The following DEF8 variants were observed in gnomAD, a reference collection of about 807,000 sequenced individuals.
DEF8 encodes DEF-8.
A neutral mutation model predicts 59.1 loss-of-function variants in DEF8; 38 were observed. The ratio of observed to expected loss-of-function variants is 0.64; its 90% CI spans 0.50 to 0.84. DEF8 has a LOEUF of 0.84. Ranked by LOEUF, DEF8 falls within the 40% of genes least tolerant of loss-of-function variation. DEF8 has a pLI of 0.00. For missense variants in DEF8, 557 were observed against 615.2 expected, an observed-to-expected ratio of 0.91 and a Z score of 1.00; for synonymous variants, 265 against 250.1, an observed-to-expected ratio of 1.06 and a Z score of -0.56.
At chr16:89,958,492 A>G (rs7187431) in intron 5 of DEF8, 10,644 of 165,394 alleles carry the variant, frequency 0.064, 473 homozygotes, top group East Asian at 0.25. Flanking sequence ...TGATTCAGGT[A>G]TCCCTGGGAA....
chr16:89,959,619 T>A (rs2033754888), intron 6 of DEF8, among the ~76,000 whole-genome samples: 1 of 152,198 alleles, frequency 6.6e-6, no homozygotes, highest in Admixed American at 6.5e-5. Context: ...CTCAGCCTCC[T>A]GAGTAGCTGG....
In DEF8 at chr16:89,961,166, A is replaced by C. The variant is rs1393666756; in HGVS notation, c.679+71A>C. On this transcript the variant is annotated intron_variant, in intron 7 of 12. Coordinates refer to ENST00000563594, the MANE Select transcript of DEF8 (RefSeq NM_001242818.2). ...CGGGGAGCCGGGTGCACAGGTGTGT[A>C]AGGGCACGTAAGTCAGACAGTTGAG... The C allele has an allele frequency of 6.5e-6, 10 of 1,548,270 alleles. No individual in the cohort carries two copies. The South Asian group carries it at 1.1e-4, about 17-fold the overall frequency.
chr16:89,951,659 A>G (rs1448613577), intron 2 of DEF8, among the ~76,000 whole-genome samples: 1 of 152,194 alleles, frequency 6.6e-6, no homozygotes. Flanking sequence ...CTTAGGGCTC[A>G]GGTGCAGTCC....
chr16:89,962,096 A>G lies in DEF8; in HGVS notation c.892A>G (p.Ser298Gly). The change falls in exon 9 of 13, where the codon AGC (serine) becomes GGC (glycine). Residue 298 changes from serine to glycine, a missense_variant. By Grantham distance (56) the Ser-to-Gly change is moderately conservative. Coordinates refer to ENST00000563594, the MANE Select transcript of DEF8 (RefSeq NM_001242818.2). ...CCGGGAGATCAACCCTCTGCTGTTC[A>G]GCTACGTGGAGGAGCTGGTGGAGAT... The part of the protein sequence containing the change: ...RLREINPLLF[S>G]YVEELVEIRK... 6.2e-7 allele frequency: 1 copy of G among 1,613,870 alleles called. No homozygotes were observed. Among genetic ancestry groups the G allele is most frequent in the South Asian group, 1.1e-5 (1 of 91,078 alleles).
rs545619660 is a variant in DEF8 at position 89,954,340 on chromosome 16, G to A, written c.88G>A (p.Gly30Ser). 22 of 1,613,872 alleles carry A rather than the reference G, an allele frequency of 1.4e-5. No individual in the cohort carries two copies. Among genetic ancestry groups the A allele is most frequent in the Admixed American group, 6.7e-5 (4 of 59,998 alleles). The change falls in exon 3 of 13, where the codon GGC becomes AGC. Residue 30 changes from glycine (G) to serine (S), a missense_variant. By Grantham distance (56) the Gly-to-Ser change is moderately conservative (BLOSUM62 0). Coordinates refer to ENST00000563594, the MANE Select transcript of DEF8 (RefSeq NM_001242818.2). The surrounding 1 kb of genome is among the most constrained non-coding windows in gnomAD (Gnocchi z 4.3). ...GTCTGGGCCGAGACAGCATGAGCAG[G>A]GCCCTGGGGAGGAGGTCCCGGACGT... ...KQSGPRQHEQ[G>S]PGEEVPDVTP...
intron 2 of DEF8, chr16:89,950,129 C>T (rs1312397652): frequency 2.2e-5 from 22 of 987,622 alleles, no homozygotes; most frequent in Admixed American, 6.1e-5. Flanking sequence ...TCCCTGCCAG[C>T]GTGCCTTCCT....
Position 89,957,679 on chromosome 16 carries a change from C to T in DEF8, c.372+19C>T, listed in dbSNP as rs1405609186. On this transcript the variant is annotated intron_variant, in intron 5 of 12. Transcript: ENST00000563594. ...GCTGAAGGTGGGTGTGGGGCCGCCC[C>T]GCCGTGGGGCAGCCTGGGGCCGAGG... is the stretch of plus-strand genomic sequence containing the variant. 11 of 1,531,844 alleles carry T rather than the reference C, an allele frequency of 7.2e-6. No homozygotes were observed. The highest frequency in any genetic ancestry group is 1.2e-5 in the South Asian group (1 of 81,114). 94.9% of individuals were successfully genotyped at this position (1,531,844 alleles called of 1,614,324 possible).
At chr16:89,960,068 A>G (rs1481641728) in intron 6 of DEF8, among the ~76,000 whole-genome samples, 1 of 151,896 alleles carries the variant, frequency 6.6e-6, no homozygotes, top group Non-Finnish European at 1.5e-5. Context: ...CCTGTGGTTG[A>G]TATAAGGAGG....
At position 89,964,457 on chromosome 16, in the gene DEF8, TC is replaced by T; in HGVS notation, c.1144-3del. The T allele has an allele frequency of 1.9e-6, 3 of 1,580,816 alleles. No homozygotes were observed. The highest frequency in any genetic ancestry group is 2.3e-5 in the South Asian group (2 of 86,562). ...TGCCCGTGCCCCAACCCCACACTGT[TC>T]CCCCCAGCGGTGCCAGGCCAAGGGC... On this transcript the variant is annotated splice_polypyrimidine_tract_variant and splice_region_variant and intron_variant, in intron 11 of 12. Transcript: ENST00000563594.
chr16:89,951,948 G>A (rs1410493917), intron 2 of DEF8, among the ~76,000 whole-genome samples: 1 of 151,872 alleles, frequency 6.6e-6, no homozygotes, highest in African/African-American at 2.4e-5. Flanking sequence ...TGCGTTCTCG[G>A]CTCACTGCAA....
At chr16:89,952,260 A>C (rs866568594) in intron 2 of DEF8, among the ~76,000 whole-genome samples, 2 of 152,108 alleles carry the variant, frequency 1.3e-5, no homozygotes, top group Non-Finnish European at 2.9e-5. Flanking sequence ...GGCCTTCCAG[A>C]GTGCTGGGAT....
At chr16:89,961,158 A>G (rs2033974707) in intron 7 of DEF8, 63 bp downstream of exon 7, 1 of 1,565,724 alleles carries the variant, frequency 6.4e-7, no homozygotes. Flanking sequence ...CCGGGTGCAC[A>G]GGTGTGTAAG....
chr16:89,958,558 A>C (rs553633513), intron 5 of DEF8: 6 of 170,890 alleles, frequency 3.5e-5, no homozygotes, highest in African/African-American at 1.4e-4. Context: ...AGAAAAAAAA[A>C]CCCCAAAACA....
At chr16:89,960,572 G>A (rs2033897220) in intron 6 of DEF8, among the ~76,000 whole-genome samples, 1 of 151,050 alleles carries the variant, frequency 6.6e-6, no homozygotes, top group Admixed American at 6.6e-5. Flanking sequence ...GATAACTCAT[G>A]ATATTGAAAG....
Position 89,949,759 on chromosome 16 carries a change from TG to T in DEF8, c.-11+249del. The T allele has an allele frequency of 6.1e-6, 6 of 984,596 alleles. 1 individual carries two copies. The South Asian group carries it at 9.8e-5, about 16-fold the overall frequency. 61.0% of individuals were successfully genotyped at this position (984,596 alleles called of 1,614,324 possible). On this transcript the variant is annotated intron_variant, in intron 2 of 12. Coordinates refer to ENST00000563594, the MANE Select transcript of DEF8 (RefSeq NM_001242818.2). Reference sequence around the variant, plus strand: ...GTGGGGTCCTCCCCGATGAGAGCAGTGGGCTCTAGAGGAGGGGCAGGGGGTG... The same window carrying T: ...GTGGGGTCCTCCCCGATGAGAGCAGTGGCTCTAGAGGAGGGGCAGGGGGTG...
intron 12 of DEF8, 37 bp from the exon 13 acceptor site, chr16:89,965,824 T>C (rs7192565): frequency 0.036 from 51,926 of 1,444,008 alleles, 5,274 homozygotes; most frequent in African/African-American, 0.35. Flanking sequence ...TGCTGGAGTT[T>C]CCTGTGCAGA....
Position 89,967,091 on chromosome 16 carries a change from C to A in DEF8, c.*1128C>A, listed in dbSNP as rs1336562308. 3 of 392,334 alleles carry A rather than the reference C, an allele frequency of 7.6e-6. No individual in the cohort carries two copies. Among genetic ancestry groups the A allele is most frequent in the Non-Finnish European group, 1.3e-5 (3 of 222,668 alleles). The allele number at this position is 392,334 out of a possible 1,614,324, so 24.3% of individuals were successfully genotyped here. A position where few individuals can be genotyped will look rare whatever the true frequency, so the allele number is the denominator to read the frequency against. The stretch of plus-strand genomic sequence containing the variant: ...ACTTGGCTTTGGTGTTTGCACTTTA[C>A]AGATCCTGCGGTCCACGAGGGGCCT... On this transcript the variant is annotated 3_prime_UTR_variant, in exon 13 of 13. Coordinates refer to ENST00000563594, the MANE Select transcript of DEF8 (RefSeq NM_001242818.2).
chr16:89,967,241 CGGT>C lies in DEF8; in HGVS notation c.*1281_*1283del, dbSNP rs1418009190. On this transcript the variant is annotated 3_prime_UTR_variant, in exon 13 of 13. Transcript: ENST00000563594. ...GCTGTTGGTGCACATGGTTGGCACA[CGGT>C]GGGCAGAGGGCAGAGAATGCCACTG... is the stretch of plus-strand genomic sequence containing the variant. 1 of 398,728 alleles carries C rather than the reference CGGT, an allele frequency of 2.5e-6. No individual in the cohort carries two copies. Among genetic ancestry groups the C allele is most frequent in the Non-Finnish European group, 4.4e-6 (1 of 226,168 alleles). The allele number at this position is 398,728 out of a possible 1,614,324, so 24.7% of individuals were successfully genotyped here.
intron 4 of DEF8, chr16:89,956,456 A>G (rs2151167371): frequency 7.1e-6 from 1 of 141,378 alleles, no homozygotes; most frequent in African/African-American, 2.6e-5. Flanking sequence ...ACTCCGTCTG[A>G]AAAAAAAAAA....
Sources: gnomAD v4.1 joint callset for allele counts (sites outside exome capture counted in the v4.1 genomes callset) on GRCh38, gnomAD v4.1.1 for gene constraint, Gnocchi (gnomAD v3.1) non-coding constraint, MANE v1.5 for transcripts, NCBI Gene and HGNC (gene_info 2026-07-23, HGNC 2026-07-21) for gene names.